MICU3: variants seen among roughly 807,000 people sequenced by gnomAD.
The protein encoded by MICU3 is mitochondrial calcium uptake 3.
In MICU3, 62 loss-of-function variants were observed where a neutral mutation model predicts 66.5. The ratio of observed to expected loss-of-function variants is 0.93; its 90% CI spans 0.76 to 1.15. The LOEUF (loss-of-function observed/expected upper bound fraction) is 1.15. Among genes scored for constraint, MICU3 ranks in the 50% most tolerant of loss-of-function variants. The probability of loss-of-function intolerance (pLI) is 0.00; values close to 1 mark genes in which losing one functional copy is unlikely to be tolerated. For missense variants in MICU3, 779 were observed against 664.4 expected (o/e 1.17, Z -1.90); for synonymous variants, 308 against 240.7 (o/e 1.28, Z -2.59).
the MICU3 span, among the ~76,000 whole-genome samples, chr8:17,130,433 G>A: frequency 1.3e-5 from 2 of 151,778 alleles, no homozygotes; most frequent in Non-Finnish European, 2.9e-5. Flanking sequence ...CAAGGCAGAA[G>A]AATCACTTGA....
chr8:17,031,740 G>C (rs79937932), intron 1 of MICU3, among the ~76,000 whole-genome samples: 6,100 of 152,160 alleles, frequency 0.04, 447 homozygotes, highest in African/African-American at 0.14. Context: ...TGTGTTATAA[G>C]AATAATTTAA....
intron 3 of MICU3, among the ~76,000 whole-genome samples, chr8:17,072,307 A>G (rs1482539456): frequency 1.3e-5 from 2 of 152,190 alleles, no homozygotes; most frequent in Admixed American, 1.3e-4. Flanking sequence ...TCTCAATCAT[A>G]GATGTTTGAA....
the MICU3 span, chr8:17,131,224 T>G: frequency 2.0e-5 from 3 of 152,234 alleles, no homozygotes; most frequent in Non-Finnish European, 4.4e-5. Flanking sequence ...GAGCAACCGT[T>G]ATGGCTAAGA....
chr8:17,056,823 C>A (rs915094472), intron 1 of MICU3, among the ~76,000 whole-genome samples: 3 of 152,184 alleles, frequency 2.0e-5, no homozygotes, highest in African/African-American at 7.2e-5. Context: ...ATCACATATT[C>A]CATTTGATAT....
At chr8:17,129,331 G>C in the MICU3 span, among the ~76,000 whole-genome samples, 1 of 152,040 alleles carries the variant, frequency 6.6e-6, no homozygotes, top group East Asian at 1.9e-4. Context: ...AAGGCCCAGA[G>C]GTGACCCACA....
At chr8:17,060,098 G>A (rs1017468486) in intron 1 of MICU3, among the ~76,000 whole-genome samples, 5 of 152,138 alleles carry the variant, frequency 3.3e-5, no homozygotes, top group African/African-American at 1.2e-4. Flanking sequence ...AAAACAGTAT[G>A]GTATTTGAGT....
chr8:17,049,746 C>T (rs1174642715), intron 1 of MICU3: 2 of 481,140 alleles, frequency 4.2e-6, no homozygotes, highest in Non-Finnish European at 8.3e-6. Flanking sequence ...GCCTGTGTGA[C>T]CCTGTTGAAG....
downstream of MICU3, among the ~76,000 whole-genome samples, chr8:17,127,203 T>G (rs1803426987): frequency 6.6e-6 from 1 of 152,200 alleles, no homozygotes; most frequent in African/African-American, 2.4e-5. Context: ...AAAAGCACCC[T>G]GAAAATCTAT....
the MICU3 span, among the ~76,000 whole-genome samples, chr8:17,130,674 A>T: frequency 6.6e-6 from 1 of 152,258 alleles, no homozygotes; most frequent in African/African-American, 2.4e-5. Flanking sequence ...ATGGCATAGT[A>T]TTAATTCAGT....
At chr8:17,098,622 T>C (rs1800980115) in intron 9 of MICU3, 69 bp downstream of exon 9, 1 of 1,046,694 alleles carries the variant, frequency 9.6e-7, no homozygotes, top group Admixed American at 1.9e-5. Context: ...CATTTCATTT[T>C]AGTCACAGTG....
At chr8:17,102,209 C>G (rs140588935) in intron 9 of MICU3, among the ~76,000 whole-genome samples, 2 of 151,904 alleles carry the variant, frequency 1.3e-5, no homozygotes, top group African/African-American at 4.8e-5. Flanking sequence ...CACCCCATTC[C>G]TCTAGCTTCC....
chr8:17,046,671 A>G (rs1815143592), intron 1 of MICU3, among the ~76,000 whole-genome samples: 1 of 152,126 alleles, frequency 6.6e-6, no homozygotes, highest in Non-Finnish European at 1.5e-5. Flanking sequence ...ATGTGGGGAC[A>G]GAAAACTAGA....
At chr8:17,090,447 T>G in intron 7 of MICU3, 99 bp from the exon 8 acceptor site, 1 of 978,164 alleles carries the variant, frequency 1.0e-6, no homozygotes, top group Non-Finnish European at 1.6e-6. Context: ...TTGCCCTTCC[T>G]AATTGATTAT....
rs1814366997 is a variant in MICU3 at position 17,042,733 on chromosome 8, C to A, written c.381+15073C>A. On this transcript the variant is annotated intron_variant, in intron 1 of 14. Coordinates refer to ENST00000318063, the MANE Select transcript of MICU3 (RefSeq NM_181723.3). ...TCTAATTAATTGTCTTCTAACCCTT[C>A]TAAAACTCCATTTCTAGAATTTAGA... 2.6e-5 allele frequency among the ~76,000 whole-genome samples: 4 copies of A among 152,006 alleles called. No homozygotes were observed. The South Asian group carries it at 8.3e-4, about 31-fold the overall frequency.
intron 9 of MICU3, among the ~76,000 whole-genome samples, chr8:17,102,169 C>G (rs117356579): frequency 0.014 from 2,052 of 151,862 alleles, 22 homozygotes; most frequent in Middle Eastern, 0.048. Flanking sequence ...ACATTTCCCC[C>G]TTCTGATCTA....
chr8:17,087,120 T>C, intron 7 of MICU3, 85 bp downstream of exon 7: 1 of 950,400 alleles, frequency 1.1e-6, no homozygotes, highest in Non-Finnish European at 1.6e-6. Flanking sequence ...TTAAAGTTTG[T>C]AACTTTGAAG....
intron 1 of MICU3, among the ~76,000 whole-genome samples, chr8:17,039,781 T>C (rs1813708136): frequency 6.6e-6 from 1 of 151,982 alleles, no homozygotes; most frequent in South Asian, 2.1e-4. Context: ...TAAACAATGA[T>C]ATTAACCCTA....
chr8:17,037,251 A>G (rs1275041270), intron 1 of MICU3, among the ~76,000 whole-genome samples: 1 of 152,198 alleles, frequency 6.6e-6, no homozygotes, highest in East Asian at 1.9e-4. Context: ...TGGCCAGCCC[A>G]GAAAGGGGCT....
At chr8:17,109,861 A>G (rs1385302554) in intron 11 of MICU3, among the ~76,000 whole-genome samples, 1 of 152,236 alleles carries the variant, frequency 6.6e-6, no homozygotes, top group Admixed American at 6.5e-5. Context: ...GCAAATGTTA[A>G]CAAGAAAGTA....
Sources: allele counts gnomAD v4.1 joint callset (sites outside exome capture counted in the v4.1 genomes callset), GRCh38; gene constraint gnomAD v4.1.1; transcripts MANE v1.5; gene names NCBI Gene and HGNC (gene_info 2026-07-23, HGNC 2026-07-21).